Variants in PLCE1 observed in about 807,000 individuals in gnomAD.
The protein encoded by PLCE1 is 1-phosphatidylinositol 4,5-bisphosphate phosphodiesterase epsilon-1.
A neutral mutation model predicts 242.8 loss-of-function variants in PLCE1; 119 were observed. The ratio of observed to expected loss-of-function variants is 0.49; its 90% CI spans 0.42 to 0.57. PLCE1 has a LOEUF of 0.57. Ranked by LOEUF, PLCE1 falls within the 20% of genes least tolerant of loss-of-function variation. The pLI is 0.00. For missense variants in PLCE1, 2,441 were observed against 2,788.8 expected, an observed-to-expected ratio of 0.88 and a Z score of 2.81; for synonymous variants, 945 against 1,017.4, an observed-to-expected ratio of 0.93 and a Z score of 1.35.
At chr10:94,237,993 GA>G (rs199583981) in intron 7 of PLCE1, among the ~76,000 whole-genome samples, 2,138 of 152,258 alleles carry the variant, frequency 0.014, 24 homozygotes, top group South Asian at 0.04. Context: ...AGAAAGAAGG[GA>G]CAATCTCATG....
intron 2 of PLCE1, among the ~76,000 whole-genome samples, chr10:94,124,821 A>G (rs2046394135): frequency 6.6e-6 from 1 of 152,264 alleles, no homozygotes; most frequent in Non-Finnish European, 1.5e-5. Flanking sequence ...TAAGCCCATC[A>G]GCAAATGATA....
At chr10:94,021,920 G>A (rs2134381424) in intron 1 of PLCE1, among the ~76,000 whole-genome samples, 1 of 152,106 alleles carries the variant, frequency 6.6e-6, no homozygotes, top group South Asian at 2.1e-4. Context: ...TTAGTAAAGG[G>A]CATTTATTAA....
At chr10:94,059,096 G>A (rs2043979606) in intron 2 of PLCE1, among the ~76,000 whole-genome samples, 1 of 152,180 alleles carries the variant, frequency 6.6e-6, no homozygotes, top group South Asian at 2.1e-4. Context: ...AAAGAAGTTT[G>A]ACTGGATAGA....
intron 2 of PLCE1, among the ~76,000 whole-genome samples, chr10:94,090,494 A>G (rs553844644): frequency 1.3e-5 from 2 of 152,216 alleles, no homozygotes; most frequent in African/African-American, 4.8e-5. Flanking sequence ...TTCCTGTCCA[A>G]AGTTGTGTGG....
At chr10:94,321,066 CATA>C (rs1589540469) in intron 29 of PLCE1, among the ~76,000 whole-genome samples, 1 of 152,160 alleles carries the variant, frequency 6.6e-6, no homozygotes. Flanking sequence ...ATCTAATTCT[CATA>C]ATTTTACTGT....
chr10:94,222,003 T>A (rs1029192381), intron 4 of PLCE1, among the ~76,000 whole-genome samples: 1 of 152,132 alleles, frequency 6.6e-6, no homozygotes, highest in African/African-American at 2.4e-5. Flanking sequence ...GTTTGGAAGC[T>A]GAGAATCCTC....
rs545239313 is a variant in PLCE1 at position 94,008,300 on chromosome 10, G to A, written c.-365+14042G>A. On this transcript the variant is annotated intron_variant, in intron 1 of 32. Coordinates refer to ENST00000371380, the MANE Select transcript of PLCE1 (RefSeq NM_016341.4). ...TAAAACCTGCTTTCTGGGTACAAATGTACCATATTTTGTTTTGTTTGTTTT... is the reference window on the plus strand; with the variant it reads ...TAAAACCTGCTTTCTGGGTACAAATATACCATATTTTGTTTTGTTTGTTTT... 9.0e-4 allele frequency among the ~76,000 whole-genome samples: 135 copies of A among 150,128 alleles called. 2 individuals carry two copies. In the Middle Eastern group the frequency reaches 0.01, roughly 12 times the overall value.
At chr10:94,042,710 TA>T (rs1418745007) in intron 2 of PLCE1, among the ~76,000 whole-genome samples, 1 of 152,182 alleles carries the variant, frequency 6.6e-6, no homozygotes, top group Non-Finnish European at 1.5e-5. Flanking sequence ...GGCTAAGATT[TA>T]TTTTTTATGA....
At chr10:94,216,549 G>A (rs2049536095) in intron 4 of PLCE1, among the ~76,000 whole-genome samples, 1 of 152,116 alleles carries the variant, frequency 6.6e-6, no homozygotes, top group Non-Finnish European at 1.5e-5. Flanking sequence ...TTGGGGTGAG[G>A]TTTACTAGGG....
intron 24 of PLCE1, among the ~76,000 whole-genome samples, chr10:94,300,191 G>A (rs1298711843): frequency 6.6e-6 from 1 of 152,158 alleles, no homozygotes; most frequent in Non-Finnish European, 1.5e-5. Context: ...CCTTTCTCTG[G>A]AAGTGCCAGG....
At chr10:94,044,738 C>T (rs55696552) in intron 2 of PLCE1, among the ~76,000 whole-genome samples, 1 of 152,312 alleles carries the variant, frequency 6.6e-6, no homozygotes, top group African/African-American at 2.4e-5. Context: ...GCACAACCTG[C>T]CCAGCCCCAC....
chr10:94,315,739 C>T (rs553818386), intron 28 of PLCE1, among the ~76,000 whole-genome samples: 5 of 145,360 alleles, frequency 3.4e-5, no homozygotes, highest in South Asian at 2.2e-4. Context: ...CACTGCACTC[C>T]AGCCTGGGCG....
chr10:94,325,027 G>T lies in PLCE1; in HGVS notation c.6856G>T (p.Glu2286Ter). The T allele has an allele frequency of 6.2e-7, 1 of 1,614,204 alleles. No homozygotes were observed. ...CTCAGAAAGTATCCAAACCAAGGAG[G>T]AGAAACCTGTGGGTGGCTTGTCCTC... ...LTSESIQTKE[E>*]KPVGGLSSSD... The change falls in exon 32 of 33, where the codon GAG (glutamate) becomes TAG (stop). Residue 2286 changes from glutamate to a stop codon, truncating the protein, a stop_gained. Transcript: ENST00000371380. LOFTEE classifies it high-confidence loss of function.
Position 94,006,711 on chromosome 10 carries a change from C to T in PLCE1, c.-365+12453C>T, listed in dbSNP as rs146370172. 5.3e-3 allele frequency among the ~76,000 whole-genome samples: 809 copies of T among 152,338 alleles called. 3 individuals are homozygous for T. Among genetic ancestry groups the T allele is most frequent in the African/African-American group, 0.018 (758 of 41,574 alleles). On this transcript the variant is annotated intron_variant, in intron 1 of 32. Coordinates refer to ENST00000371380, the MANE Select transcript of PLCE1 (RefSeq NM_016341.4). ...TTGTTCTTGGCTAAGCTCACTTTAA[C>T]ATTTTTATCAGATACTTGGAGAAGG...
chr10:94,124,933 A>G (rs1047607846), intron 2 of PLCE1, among the ~76,000 whole-genome samples: 3 of 152,212 alleles, frequency 2.0e-5, no homozygotes, highest in Admixed American at 1.3e-4. Flanking sequence ...AATACTTTGT[A>G]AAGATTTTAT....
chr10:94,295,070 C>T (rs1341578314), intron 23 of PLCE1, among the ~76,000 whole-genome samples: 1 of 151,812 alleles, frequency 6.6e-6, no homozygotes, highest in Non-Finnish European at 1.5e-5. Flanking sequence ...AGCCCACCAC[C>T]ACGCCCGGCT....
chr10:94,301,218 C>T (rs923705190), intron 24 of PLCE1, among the ~76,000 whole-genome samples: 1 of 152,012 alleles, frequency 6.6e-6, no homozygotes. Context: ...GTAGTGCATG[C>T]CTGTAGTCCC....
intron 3 of PLCE1, among the ~76,000 whole-genome samples, chr10:94,148,624 T>C (rs1270798933): frequency 6.6e-6 from 1 of 151,980 alleles, no homozygotes. Context: ...CATGAGAAAG[T>C]TGGAATTTTT....
chr10:94,027,419 G>A (rs759618274), intron 1 of PLCE1, among the ~76,000 whole-genome samples: 4 of 152,204 alleles, frequency 2.6e-5, no homozygotes, highest in Non-Finnish European at 4.4e-5. Context: ...TCTGCTCCCT[G>A]TAATGTTGCT....
Sources: gnomAD v4.1 joint callset for allele counts (sites outside exome capture counted in the v4.1 genomes callset) on GRCh38, gnomAD v4.1.1 for gene constraint, MANE v1.5 for transcripts, NCBI Gene and HGNC (gene_info 2026-07-23, HGNC 2026-07-21) for gene names.